Variants in CHRM3 observed in about 807,000 individuals in gnomAD.
CHRM3 encodes the protein muscarinic acetylcholine receptor M3.
In CHRM3, 11 loss-of-function variants were observed where a neutral mutation model predicts 41.8. That is an observed-to-expected ratio of 0.26 (90% confidence interval 0.17 to 0.44). The LOEUF is 0.44. Among genes scored for constraint, CHRM3 ranks in the 20% least tolerant of loss-of-function variants. CHRM3 has a pLI of 1.00. For missense variants in CHRM3, 571 were observed against 745.4 expected (o/e 0.77, Z 2.72); for synonymous variants, 297 against 301.4 (o/e 0.99, Z 0.15).
intron 5 of CHRM3, among the ~76,000 whole-genome samples, chr1:239,810,872 C>G (rs1028592260): frequency 6.6e-6 from 1 of 152,160 alleles, no homozygotes; most frequent in Admixed American, 6.5e-5. Flanking sequence ...TGAAAATCGC[C>G]ATCTGTAAGA....
Position 239,624,485 on chromosome 1 carries a change from C to A in CHRM3, c.-312-7739C>A, listed in dbSNP as rs1420296474. 2.9e-4 allele frequency among the ~76,000 whole-genome samples: 39 copies of A among 133,208 alleles called. No individual in the cohort carries two copies. In the South Asian group the frequency reaches 0.01, roughly 35 times the overall value. 87.4% of individuals were successfully genotyped at this position (133,208 alleles called of 152,430 possible). A position where few individuals can be genotyped will look rare whatever the true frequency, so the allele number is the denominator to read the frequency against. Reference sequence around the variant, plus strand: ...TCTGATGGTAGTTTCTTTTGCTGTGCAGAAGCTCTTGAGTTTAATTAGATC... The same window carrying A: ...TCTGATGGTAGTTTCTTTTGCTGTGAAGAAGCTCTTGAGTTTAATTAGATC... On this transcript the variant is annotated intron_variant, in intron 3 of 6. Transcript: ENST00000676153.
intron 6 of CHRM3, among the ~76,000 whole-genome samples, chr1:239,852,451 C>T (rs770196805): frequency 1.6e-4 from 25 of 152,092 alleles, no homozygotes; most frequent in Non-Finnish European, 2.4e-4. Context: ...TTATCCAAGT[C>T]CTCATTTATA....
At chr1:239,833,249 G>A (rs992767352) in intron 6 of CHRM3, among the ~76,000 whole-genome samples, 22 of 152,274 alleles carry the variant, frequency 1.4e-4, no homozygotes, top group Admixed American at 1.1e-3. Flanking sequence ...CTTGCATCAA[G>A]TTTATATACT....
intron 2 of CHRM3, among the ~76,000 whole-genome samples, chr1:239,497,123 G>A (rs145056466): frequency 3.3e-3 from 509 of 152,230 alleles, no homozygotes; most frequent in African/African-American, 0.012. Flanking sequence ...TTGGAAGATC[G>A]TTGCTGGTGG....
At chr1:239,659,782 G>A (rs527405162) in intron 4 of CHRM3, among the ~76,000 whole-genome samples, 1 of 152,212 alleles carries the variant, frequency 6.6e-6, no homozygotes, top group South Asian at 2.1e-4. Flanking sequence ...CATGTATAGA[G>A]GAGAAGTTAG....
chr1:239,863,276 G>T (rs1409610575), intron 6 of CHRM3, among the ~76,000 whole-genome samples: 1 of 152,174 alleles, frequency 6.6e-6, no homozygotes, highest in Non-Finnish European at 1.5e-5. Flanking sequence ...ATGGGACAAT[G>T]GTTTGTTTTT....
chr1:239,535,171 G>A (rs1658071504), intron 2 of CHRM3, among the ~76,000 whole-genome samples: 1 of 152,096 alleles, frequency 6.6e-6, no homozygotes, highest in African/African-American at 2.4e-5. Flanking sequence ...TGAAGGAAGG[G>A]GGATGGACAA....
In CHRM3 at chr1:239,599,193, C is replaced by T. The variant is rs191385325; in HGVS notation, c.-312-33031C>T. Among the ~76,000 whole-genome samples the T allele has an allele frequency of 4.4e-3, 671 of 152,276 alleles. 5 individuals are homozygous for T. Among genetic ancestry groups the T allele is most frequent in the African/African-American group, 0.016 (645 of 41,558 alleles). ...ACTGCAACAGAGATTCTCCCTTCAT[C>T]ACCCAATAAAACAATGACTGTTTCA... On this transcript the variant is annotated intron_variant, in intron 3 of 6. Coordinates refer to ENST00000676153, the MANE Select transcript of CHRM3 (RefSeq NM_001375978.1).
intron 5 of CHRM3, among the ~76,000 whole-genome samples, chr1:239,743,659 T>C (rs1665055908): frequency 6.6e-6 from 1 of 152,124 alleles, no homozygotes. Flanking sequence ...ATGTGTGAAT[T>C]ACAGCCCAGA....
At chr1:239,895,783 CAAA>C (rs1248678843) in intron 6 of CHRM3, among the ~76,000 whole-genome samples, 1 of 152,000 alleles carries the variant, frequency 6.6e-6, no homozygotes, top group Non-Finnish European at 1.5e-5. Flanking sequence ...CACATAGACA[CAAA>C]GAAGGGAACA....
chr1:239,768,319 G>T (rs935017865), intron 5 of CHRM3, among the ~76,000 whole-genome samples: 20 of 151,986 alleles, frequency 1.3e-4, no homozygotes, highest in Admixed American at 8.5e-4. Context: ...CAGATTTTTG[G>T]GGGGAAAACA....
intron 6 of CHRM3, among the ~76,000 whole-genome samples, chr1:239,835,413 A>G (rs12036147): frequency 6.6e-6 from 1 of 152,152 alleles, no homozygotes; most frequent in Non-Finnish European, 1.5e-5. Flanking sequence ...CGTTCTCTGC[A>G]CAAGTGCAAC....
intron 5 of CHRM3, among the ~76,000 whole-genome samples, chr1:239,738,470 G>A (rs545768101): frequency 6.6e-6 from 1 of 151,706 alleles, no homozygotes; most frequent in Non-Finnish European, 1.5e-5. Context: ...GCCAGGCTCA[G>A]GGGGGGTTTG....
At chr1:239,680,177 C>T (rs1382724362) in intron 5 of CHRM3, among the ~76,000 whole-genome samples, 4 of 152,024 alleles carry the variant, frequency 2.6e-5, no homozygotes, top group African/African-American at 7.2e-5. Flanking sequence ...CTGTTCAATC[C>T]GTGCTTCATC....
chr1:239,805,790 C>T (rs1423744131), intron 5 of CHRM3, among the ~76,000 whole-genome samples: 2 of 152,022 alleles, frequency 1.3e-5, no homozygotes, highest in African/African-American at 2.4e-5. Context: ...AAATGTTTTA[C>T]GAAGTATAAA....
At chr1:239,496,411 T>C (rs1034905589) in intron 2 of CHRM3, among the ~76,000 whole-genome samples, 5 of 152,118 alleles carry the variant, frequency 3.3e-5, no homozygotes, top group African/African-American at 1.2e-4. Flanking sequence ...ATCTTGCAGA[T>C]TATTTTAAAG....
rs534180415 is a variant in CHRM3, at chr1:239,514,674, T to A, written c.-422+21867T>A. On this transcript the variant is annotated intron_variant, in intron 2 of 6. Transcript: ENST00000676153. ...ATGTTGAAAAAGAGTAGTAGGAGGG[T>A]AAATCCTTGTCTTGTTTCTGAACTT... Among the ~76,000 whole-genome samples, 6 of 152,176 alleles carry A rather than the reference T, an allele frequency of 3.9e-5. No homozygotes were observed. The East Asian group carries it at 1.2e-3, about 29-fold the overall frequency.
At chr1:239,674,574 G>A (rs1200750317) in intron 4 of CHRM3, among the ~76,000 whole-genome samples, 1 of 151,894 alleles carries the variant, frequency 6.6e-6, no homozygotes, top group African/African-American at 2.4e-5. Flanking sequence ...GCTGGGCTTG[G>A]TGGCGGGCGC....
In CHRM3 at chr1:239,411,919, T is replaced by C. The variant is rs895840505; in HGVS notation, c.-521+24692T>C. The stretch of plus-strand genomic sequence containing the variant: ...CACATTCAGATTCTTAGGCTGTTTT[T>C]TCTGTTATTTACTTTCATATTTCTA... On this transcript the variant is annotated intron_variant, in intron 1 of 6. Transcript: ENST00000676153. 5.4e-4 allele frequency among the ~76,000 whole-genome samples: 82 copies of C among 151,958 alleles called. 2 individuals carry two copies. The highest frequency in any genetic ancestry group is 6.5e-4 in the Non-Finnish European group (44 of 67,970).
Sources: gnomAD v4.1 joint callset for allele counts (sites outside exome capture counted in the v4.1 genomes callset) on GRCh38, gnomAD v4.1.1 for gene constraint, MANE v1.5 for transcripts, NCBI Gene and HGNC (gene_info 2026-07-23, HGNC 2026-07-21) for gene names.